The following TEX9 variants were observed in gnomAD, a reference collection of about 807,000 sequenced individuals.
The protein encoded by TEX9 is testis expressed 9.
In TEX9, 74 loss-of-function variants were observed where a neutral mutation model predicts 59.6. The observed-to-expected ratio is 1.24, with a 90% CI of 1.03 to 1.51. The LOEUF is 1.51. TEX9 is among the 40% of genes most tolerant of loss of function. The pLI is 0.00. For missense variants in TEX9, 522 were observed against 447.8 expected, an observed-to-expected ratio of 1.17 and a Z score of -1.49; for synonymous variants, 186 against 152.2, an observed-to-expected ratio of 1.22 and a Z score of -1.64.
intron 1 of TEX9, among the ~76,000 whole-genome samples, chr15:56,333,125 A>T (rs1405987695): frequency 6.6e-6 from 1 of 152,178 alleles, no homozygotes; most frequent in African/African-American, 2.4e-5. Flanking sequence ...TACTCCAACT[A>T]TTCTGAAAAA....
chr15:56,400,411 A>T (rs1202413500), intron 9 of TEX9, among the ~76,000 whole-genome samples: 1 of 152,214 alleles, frequency 6.6e-6, no homozygotes, highest in African/African-American at 2.4e-5. Flanking sequence ...TTAATGAAAT[A>T]AAGTGAGAAG....
At chr15:56,384,440 T>C (rs1346161448) in intron 4 of TEX9, among the ~76,000 whole-genome samples, 1 of 152,108 alleles carries the variant, frequency 6.6e-6, no homozygotes, top group Non-Finnish European at 1.5e-5. Context: ...CAAATGACTT[T>C]CCAGCCATGA....
intron 10 of TEX9, among the ~76,000 whole-genome samples, chr15:56,416,988 G>C (rs1413855741): frequency 6.6e-6 from 1 of 151,726 alleles, no homozygotes; most frequent in East Asian, 1.9e-4. Flanking sequence ...TCTAGTTTGT[G>C]TGCATAGAGG....
chr15:56,270,890 A>T (rs1018718823), intron 1 of TEX9, among the ~76,000 whole-genome samples: 19 of 152,178 alleles, frequency 1.2e-4, no homozygotes, highest in Non-Finnish European at 2.8e-4. Flanking sequence ...TCCTTCACTT[A>T]TGAAGCTTAA....
At chr15:56,367,589 A>C (rs74015413) in intron 2 of TEX9, among the ~76,000 whole-genome samples, 3,720 of 152,320 alleles carry the variant, frequency 0.024, 158 homozygotes, top group African/African-American at 0.085. Flanking sequence ...TAACATAATA[A>C]CTGGTAGGGC....
At position 56,328,076 on chromosome 15, in the gene TEX9, C is replaced by G. The variant is rs139369224; in HGVS notation, c.-106-45365C>G. Reference sequence around the variant, plus strand: ...AGCATAGCTTGCAGCTCCAAAATAGCCCCGCTTCCTTCTGCTTGTAAGGAG... The same window carrying G: ...AGCATAGCTTGCAGCTCCAAAATAGGCCCGCTTCCTTCTGCTTGTAAGGAG... On this transcript the variant is annotated intron_variant, in intron 1 of 5. Transcript: ENST00000560827. 2.7e-3 allele frequency among the ~76,000 whole-genome samples: 414 copies of G among 151,960 alleles called. 3 individuals carry two copies. Among genetic ancestry groups the G allele is most frequent in the African/African-American group, 9.4e-3 (391 of 41,450 alleles).
chr15:56,281,232 A>G (rs940540343), intron 1 of TEX9, among the ~76,000 whole-genome samples: 1 of 152,238 alleles, frequency 6.6e-6, no homozygotes, highest in Non-Finnish European at 1.5e-5. Flanking sequence ...AGTTAAATGA[A>G]AAGAAAATTC....
At chr15:56,458,353 TA>T in the TEX9 span, among the ~76,000 whole-genome samples, 4 of 152,152 alleles carry the variant, frequency 2.6e-5, no homozygotes, top group African/African-American at 7.2e-5. Context: ...AGAGTTCCCA[TA>T]TATTCCCTGT....
At chr15:56,426,040 T>G (rs1482220097) in intron 10 of TEX9, among the ~76,000 whole-genome samples, 2 of 152,164 alleles carry the variant, frequency 1.3e-5, no homozygotes, top group Non-Finnish European at 2.9e-5. Flanking sequence ...GATGCTGTAT[T>G]TTATTCCTCT....
chr15:56,361,550 G>A (rs995988729), upstream of TEX9, among the ~76,000 whole-genome samples: 7 of 151,984 alleles, frequency 4.6e-5, no homozygotes, highest in Admixed American at 6.6e-5. Flanking sequence ...TGTGCTCTGG[G>A]ACCACAATAA....
At chr15:56,286,778 G>A (rs573350609) in intron 1 of TEX9, among the ~76,000 whole-genome samples, 6 of 152,276 alleles carry the variant, frequency 3.9e-5, no homozygotes, top group African/African-American at 1.4e-4. Context: ...AGCCAATCTC[G>A]TGACTGATGT....
chr15:56,343,287 C>A (rs1357074542), intron 1 of TEX9, among the ~76,000 whole-genome samples: 1 of 151,806 alleles, frequency 6.6e-6, no homozygotes, highest in Non-Finnish European at 1.5e-5. Context: ...ATCTAGATAT[C>A]CAGAAAAGAA....
intron 1 of TEX9, among the ~76,000 whole-genome samples, chr15:56,283,108 G>GA (rs1261711880): frequency 6.7e-6 from 1 of 149,070 alleles, no homozygotes; most frequent in Non-Finnish European, 1.5e-5. Flanking sequence ...AACATTTCTG[G>GA]AAAAATACAA....
chr15:56,355,845 T>A (rs1156747892), intron 1 of TEX9, among the ~76,000 whole-genome samples: 6 of 152,134 alleles, frequency 3.9e-5, no homozygotes, highest in Admixed American at 3.9e-4. Flanking sequence ...ATGTTAAAAT[T>A]TGATTTCCAA....
At chr15:56,273,080 A>G (rs558997205) in intron 1 of TEX9, among the ~76,000 whole-genome samples, 2 of 151,830 alleles carry the variant, frequency 1.3e-5, no homozygotes, top group Non-Finnish European at 1.5e-5. Context: ...CAGCCTCCTG[A>G]GTAACTGGGA....
exon 1 of TEX9, chr15:56,244,055 T>A (rs1230279268): frequency 6.6e-6 from 1 of 150,890 alleles, no homozygotes; most frequent in East Asian, 2.0e-4. Context: ...CCGGCCCGGC[T>A]GGTGGAGAGC....
chr15:56,293,356 C>A (rs1276744490), intron 1 of TEX9, among the ~76,000 whole-genome samples: 1 of 151,858 alleles, frequency 6.6e-6, no homozygotes, highest in Non-Finnish European at 1.5e-5. Context: ...AAAGACAGTC[C>A]CTTCTTTGCC....
At chr15:56,301,011 T>G (rs1299993512) in intron 1 of TEX9, among the ~76,000 whole-genome samples, 1 of 152,168 alleles carries the variant, frequency 6.6e-6, no homozygotes, top group Non-Finnish European at 1.5e-5. Context: ...ATGAAATAAA[T>G]AAGGCACTTG....
At chr15:56,253,286 A>G (rs1420929154) in intron 1 of TEX9, among the ~76,000 whole-genome samples, 1 of 152,136 alleles carries the variant, frequency 6.6e-6, no homozygotes, top group Non-Finnish European at 1.5e-5. Flanking sequence ...TGCCTACACC[A>G]AGCAAAAAAA....
Sources: allele counts gnomAD v4.1 joint callset (sites outside exome capture counted in the v4.1 genomes callset), GRCh38; gene constraint gnomAD v4.1.1; transcripts MANE v1.5; gene names NCBI Gene and HGNC (gene_info 2026-07-23, HGNC 2026-07-21).